The following ITGA8 variants were observed in gnomAD, a reference collection of about 807,000 sequenced individuals.
ITGA8 encodes integrin alpha-8.
A neutral mutation model predicts 142.3 loss-of-function variants in ITGA8; 91 were observed. The observed-to-expected ratio is 0.64, with a 90% CI of 0.54 to 0.76. ITGA8 has a LOEUF of 0.76. ITGA8 is among the 30% of genes least tolerant of loss of function. ITGA8 has a pLI of 0.00. For missense variants in ITGA8, 1,406 were observed against 1,327.7 expected (o/e 1.06, Z -0.92); for synonymous variants, 505 against 485.2 (o/e 1.04, Z -0.54).
chr10:15,644,462 A>ATTAT lies in ITGA8; in HGVS notation c.1208-242_1208-241insATAA, dbSNP rs1564388829. ...TATATATATATATATATATATATAT[A>ATTAT]TATATATATATATATATATATATAT... On this transcript the variant is annotated intron_variant, in intron 12 of 29. Transcript: ENST00000378076. Among the ~76,000 whole-genome samples, 53 of 22,264 alleles carry ATTAT rather than the reference A, an allele frequency of 2.4e-3. 3 individuals are homozygous for ATTAT. In the East Asian group the frequency reaches 0.15, roughly 64 times the overall value. The allele number at this position is 22,264 out of a possible 152,430, so 14.6% of individuals were successfully genotyped here.
intron 26 of ITGA8, among the ~76,000 whole-genome samples, chr10:15,553,344 A>G (rs1833826739): frequency 6.9e-6 from 1 of 145,494 alleles, no homozygotes; most frequent in Non-Finnish European, 1.5e-5. Context: ...AACTTCAGCT[A>G]CTTCTATCAT....
At chr10:15,632,902 C>T (rs1833709170) in intron 13 of ITGA8, among the ~76,000 whole-genome samples, 1 of 152,136 alleles carries the variant, frequency 6.6e-6, no homozygotes, top group Admixed American at 6.5e-5. Context: ...ACTGCTGGTC[C>T]TCATTCTTTA....
chr10:15,589,590 C>T (rs1467624717), intron 22 of ITGA8, among the ~76,000 whole-genome samples: 1 of 152,164 alleles, frequency 6.6e-6, no homozygotes, highest in Non-Finnish European at 1.5e-5. Flanking sequence ...GTTTAGACTT[C>T]AGAACATTTG....
intron 8 of ITGA8, among the ~76,000 whole-genome samples, chr10:15,667,543 T>C (rs991087414): frequency 2.6e-5 from 4 of 152,240 alleles, no homozygotes; most frequent in African/African-American, 9.6e-5. Context: ...ATCTTAGTTA[T>C]TTCTTGCCTT....
intron 6 of ITGA8, among the ~76,000 whole-genome samples, chr10:15,675,457 C>T (rs1834609824): frequency 6.6e-6 from 1 of 152,190 alleles, no homozygotes; most frequent in African/African-American, 2.4e-5. Context: ...AAGTATTTCT[C>T]AAATTTCTCT....
At chr10:15,678,566 T>G (rs568061236) in intron 5 of ITGA8, among the ~76,000 whole-genome samples, 156 bp downstream of exon 5, 26 of 152,142 alleles carry the variant, frequency 1.7e-4, no homozygotes, top group Non-Finnish European at 3.1e-4. Flanking sequence ...ATGGAAAAAT[T>G]TTTTTAGAAA....
intron 27 of ITGA8, among the ~76,000 whole-genome samples, chr10:15,543,518 G>T (rs1833612273): frequency 6.6e-6 from 1 of 152,200 alleles, no homozygotes; most frequent in Non-Finnish European, 1.5e-5. Flanking sequence ...CCCATTTAGT[G>T]ATAATGTCTA....
intron 26 of ITGA8, among the ~76,000 whole-genome samples, chr10:15,552,498 A>T (rs960565572): frequency 4.6e-5 from 7 of 152,016 alleles, no homozygotes; most frequent in African/African-American, 1.7e-4. Flanking sequence ...TTTCAGAGGG[A>T]TTTTTCCCAT....
rs146234376 is a variant in ITGA8, at chr10:15,593,731, T to C, written c.2212-1427A>G. On this transcript the variant is annotated intron_variant, in intron 21 of 29. Coordinates refer to ENST00000378076, the MANE Select transcript of ITGA8 (RefSeq NM_003638.3). ...TTACATTTGTCATATCATTCATTGC[T>C]CCAAACAGTCCTACAGGTAGGTGTT... 2.0e-4 allele frequency among the ~76,000 whole-genome samples: 30 copies of C among 152,308 alleles called. No homozygotes were observed. In the East Asian group the frequency reaches 5.8e-3, roughly 29 times the overall value.
chr10:15,620,202 A>G (rs1833463517), intron 13 of ITGA8, among the ~76,000 whole-genome samples: 1 of 152,238 alleles, frequency 6.6e-6, no homozygotes, highest in Admixed American at 6.5e-5. Flanking sequence ...TGTAATAATA[A>G]ACTAAAGATA....
At chr10:15,677,745 A>G in intron 5 of ITGA8, 108 bp from the exon 6 acceptor site, 1 of 1,031,432 alleles carries the variant, frequency 9.7e-7, no homozygotes, top group South Asian at 1.6e-5. Context: ...AATTTGTTAC[A>G]CATAAAAAGC....
rs377681445 is a variant in ITGA8 at position 15,613,784 on chromosome 10, C to A, written c.1446-17G>T. On this transcript the variant is annotated splice_polypyrimidine_tract_variant and intron_variant, in intron 14 of 29. Coordinates refer to ENST00000378076, the MANE Select transcript of ITGA8 (RefSeq NM_003638.3). ...GGTCTTGCTCTGCGGGGAGAAAATG[C>A]AGGGTTTGTTTAAATAAAACACAAG... The A allele has an allele frequency of 7.8e-5, 123 of 1,577,674 alleles. No individual in the cohort carries two copies. Among genetic ancestry groups the A allele is most frequent in the Admixed American group, 1.5e-4 (9 of 59,906 alleles).
rs140564752 is a variant in ITGA8 at position 15,637,731 on chromosome 10, C to A, written c.1399+6299G>T. Among the ~76,000 whole-genome samples the A allele has an allele frequency of 2.1e-4, 32 of 152,060 alleles. 1 individual carries two copies. The highest frequency in any genetic ancestry group is 7.2e-4 in the African/African-American group (30 of 41,464). On this transcript the variant is annotated intron_variant, in intron 13 of 29. Transcript: ENST00000378076. ...GTTTGCACATTTCCTAGGTTGGTTTCAAACTCCTGCCCTGGCCTGCCAAAG... is the reference window on the plus strand; with the variant it reads ...GTTTGCACATTTCCTAGGTTGGTTTAAAACTCCTGCCCTGGCCTGCCAAAG...
chr10:15,567,555 C>T (rs531219591), intron 25 of ITGA8, among the ~76,000 whole-genome samples: 18 of 152,340 alleles, frequency 1.2e-4, no homozygotes, highest in African/African-American at 3.4e-4. Context: ...AGACCCTTCC[C>T]GGGCATCTGC....
chr10:15,707,603 A>G (rs1456605504), intron 2 of ITGA8, among the ~76,000 whole-genome samples: 3 of 152,066 alleles, frequency 2.0e-5, no homozygotes, highest in Non-Finnish European at 4.4e-5. Context: ...TGGGTGGATC[A>G]CCTGAGGTCA....
chr10:15,688,036 T>G lies in ITGA8; in HGVS notation c.346A>C (p.Asn116His). 6.2e-7 allele frequency: 1 copy of G among 1,601,340 alleles called. No individual in the cohort carries two copies. The change falls in exon 3 of 30, where the codon AAC becomes CAC. Residue 116 changes from asparagine (N) to histidine (H), a missense_variant and splice_region_variant. Asn to His is a moderately conservative substitution (Grantham distance 68). Transcript: ENST00000378076. ...GTTCCATTAACTCTGATCTTTCTGT[T>G]GTCTGTCAAAGAAGATAGGAAGAGT... ...CRQIPFDTTNNRKIRVNGTKE... is the reference protein window; with the variant it reads ...CRQIPFDTTNHRKIRVNGTKE...
intron 26 of ITGA8, among the ~76,000 whole-genome samples, chr10:15,556,899 C>T (rs971284214): frequency 6.6e-6 from 1 of 152,212 alleles, no homozygotes; most frequent in Non-Finnish European, 1.5e-5. Flanking sequence ...TCTCTGATTA[C>T]TTCTGCATAG....
chr10:15,682,680 AC>A (rs1286603767), intron 4 of ITGA8, among the ~76,000 whole-genome samples: 1 of 151,930 alleles, frequency 6.6e-6, no homozygotes, highest in African/African-American at 2.4e-5. Flanking sequence ...CATGGCAGAA[AC>A]CCCTCTCTAC....
chr10:15,526,754 T>C (rs997610186), intron 28 of ITGA8, among the ~76,000 whole-genome samples: 1 of 152,236 alleles, frequency 6.6e-6, no homozygotes, highest in Non-Finnish European at 1.5e-5. Context: ...CACTTTATTA[T>C]AATTGTCTGC....
Sources: allele counts gnomAD v4.1 joint callset (sites outside exome capture counted in the v4.1 genomes callset), GRCh38; gene constraint gnomAD v4.1.1; transcripts MANE v1.5; gene names NCBI Gene and HGNC (gene_info 2026-07-23, HGNC 2026-07-21).